The following ZMYND8 variants were observed in gnomAD, a reference collection of about 807,000 sequenced individuals.
The protein encoded by ZMYND8 is MYND-type zinc finger-containing chromatin reader ZMYND8.
A neutral mutation model predicts 140.8 loss-of-function variants in ZMYND8; 37 were observed. The ratio of observed to expected loss-of-function variants is 0.26; its 90% CI spans 0.20 to 0.35. The LOEUF (loss-of-function observed/expected upper bound fraction) is 0.35. ZMYND8 is among the 10% of genes least tolerant of loss of function. The pLI, the probability that ZMYND8 is intolerant of heterozygous loss-of-function variation, is 1.00. For missense variants in ZMYND8, 1,068 were observed against 1,570.0 expected, an observed-to-expected ratio of 0.68 and a Z score of 5.40; for synonymous variants, 592 against 597.1, an observed-to-expected ratio of 0.99 and a Z score of 0.12.
chr20:47,279,438 A>AAATG (rs1442573012), intron 10 of ZMYND8, among the ~76,000 whole-genome samples: 1 of 151,738 alleles, frequency 6.6e-6, no homozygotes, highest in African/African-American at 2.4e-5. Context: ...ACCCCGCCTC[A>AAATG]AATAAATAAA....
chr20:47,289,346 T>C (rs2077114304), intron 7 of ZMYND8, among the ~76,000 whole-genome samples: 1 of 152,152 alleles, frequency 6.6e-6, no homozygotes, highest in South Asian at 2.1e-4. Context: ...AACTCTAATA[T>C]ACCCTGCTGG....
intron 8 of ZMYND8, 52 bp from the exon 9 acceptor site, chr20:47,283,700 T>C (rs2076747904): frequency 6.5e-7 from 1 of 1,549,532 alleles, no homozygotes; most frequent in Non-Finnish European, 8.9e-7. Context: ...GGATATCTTG[T>C]GGACCTCAAT....
intron 2 of ZMYND8, among the ~76,000 whole-genome samples, chr20:47,322,035 A>G (rs2080001791): frequency 6.6e-6 from 1 of 151,474 alleles, no homozygotes; most frequent in African/African-American, 2.4e-5. Flanking sequence ...TAATTTTTGT[A>G]TTTTTTGTAG....
At chr20:47,234,981 T>TA (rs1420179631) in intron 16 of ZMYND8, among the ~76,000 whole-genome samples, 1 of 151,968 alleles carries the variant, frequency 6.6e-6, no homozygotes, top group Non-Finnish European at 1.5e-5. Context: ...TTGCATTTTT[T>TA]AAAAAGAAAG....
At chr20:47,354,221 A>C (rs2083031633) in intron 1 of ZMYND8, 2 of 152,172 alleles carry the variant, frequency 1.3e-5, no homozygotes, top group Non-Finnish European at 2.9e-5. Flanking sequence ...GTACATTTGA[A>C]AACAGATCTT....
intron 11 of ZMYND8, among the ~76,000 whole-genome samples, chr20:47,263,493 A>G (rs528243786): frequency 6.6e-6 from 1 of 152,338 alleles, no homozygotes; most frequent in East Asian, 1.9e-4. Context: ...CAGTGTGTTG[A>G]AACTCACATA....
At chr20:47,225,882 G>A (rs1324442430) in intron 18 of ZMYND8, among the ~76,000 whole-genome samples, 1 of 152,030 alleles carries the variant, frequency 6.6e-6, no homozygotes, top group Non-Finnish European at 1.5e-5. Flanking sequence ...CAGGGGCAGT[G>A]GATCACATCT....
At chr20:47,285,198 G>A (rs1370703444) in intron 8 of ZMYND8, among the ~76,000 whole-genome samples, 1 of 152,214 alleles carries the variant, frequency 6.6e-6, no homozygotes, top group African/African-American at 2.4e-5. Flanking sequence ...CAAAGCCCAT[G>A]CAGGTCACCA....
At position 47,276,610 on chromosome 20, in the gene ZMYND8, T is replaced by C. The variant is rs766098624; in HGVS notation, c.1184A>G (p.Tyr395Cys). The C allele has an allele frequency of 3.1e-6, 5 of 1,613,808 alleles. No homozygotes were observed. The South Asian group carries it at 3.3e-5, about 11-fold the overall frequency. ...FRTPYTPNSQ[Y>C]QMLLDPTNPS... is the part of the protein sequence containing the mutation. The stretch of plus-strand genomic sequence containing the variant: ...GTTGGTGGGATCGAGCAGCATTTGA[T>C]ACTGGCTGTTGGGTGTGTAGGGTGT... The change falls in exon 11 of 23, where the codon TAT (tyrosine) becomes TGT (cysteine). Residue 395 changes from tyrosine to cysteine, a missense_variant. Around this residue, in one of 10 missense-constraint regions of ZMYND8, gnomAD observed 49 missense variants for 94.1 expected, o/e 0.52. Coordinates refer to ENST00000471951, the MANE Select transcript of ZMYND8 (RefSeq NM_001281775.3).
In ZMYND8 at chr20:47,252,258, C is replaced by T. The variant is rs1481203730; in HGVS notation, c.1622-2819G>A. 8.3e-5 allele frequency among the ~76,000 whole-genome samples: 12 copies of T among 144,306 alleles called. 1 individual carries two copies. The highest frequency in any genetic ancestry group is 3.1e-4 in the African/African-American group (12 of 38,348). 94.7% of individuals were successfully genotyped at this position (144,306 alleles called of 152,430 possible). On this transcript the variant is annotated intron_variant, in intron 12 of 22. Transcript: ENST00000471951. The stretch of plus-strand genomic sequence containing the variant: ...CAGTGAGCGAGATCGCACCACTACA[C>T]TCCAGCCTGGGCGACAGAGCAAGAC...
chr20:47,339,495 GAGACGGAGTCTC>G (rs2081656528), intron 2 of ZMYND8, among the ~76,000 whole-genome samples: 1 of 151,878 alleles, frequency 6.6e-6, no homozygotes, highest in Non-Finnish European at 1.5e-5. Flanking sequence ...ATTCTTTTTT[GAGACGGAGTCTC>G]ACTCTGTCGC....
In ZMYND8 at chr20:47,282,187, G is replaced by C; in HGVS notation, c.913C>G (p.Leu305Val). Residue 305 changes from leucine (L) to valine (V), a missense_variant, in exon 10 of 23, where the codon CTG (leucine) becomes GTG (valine). By Grantham distance (32) the Leu-to-Val change is conservative. Transcript: ENST00000471951. ...GCAGGCCAGAATGGAAACCCCTTCA[G>C]TTTGGCCCAGACCAAAGGATGTGGA... ...SNPHPLVWAK[L>V]KGFPFWPAKA... 1 of 1,614,106 alleles carries C rather than the reference G, an allele frequency of 6.2e-7. No individual in the cohort carries two copies. The highest frequency in any genetic ancestry group is 8.5e-7 in the Non-Finnish European group (1 of 1,180,000).
At chr20:47,340,350 G>A (rs181687888) in intron 2 of ZMYND8, among the ~76,000 whole-genome samples, 137 of 152,244 alleles carry the variant, frequency 9.0e-4, no homozygotes, top group African/African-American at 3.0e-3. Context: ...ACCATGGTGC[G>A]CACTTACAGT....
At chr20:47,320,079 T>C (rs990619530) in intron 2 of ZMYND8, 2 of 152,166 alleles carry the variant, frequency 1.3e-5, no homozygotes, top group African/African-American at 4.8e-5. Context: ...CCGGTGGTAG[T>C]GGCTTCCAAA....
intron 2 of ZMYND8, among the ~76,000 whole-genome samples, chr20:47,340,846 G>A (rs1400659761): frequency 1.3e-5 from 2 of 151,342 alleles, no homozygotes; most frequent in African/African-American, 4.9e-5. Flanking sequence ...TTCTAGCAGA[G>A]TAACAAATAA....
In ZMYND8 at chr20:47,299,016, A is replaced by T. The variant is rs1036812505; in HGVS notation, c.235-69T>A. The T allele has an allele frequency of 7.0e-6, 10 of 1,438,538 alleles. No homozygotes were observed. The African/African-American group carries it at 1.4e-4, about 20-fold the overall frequency. The allele number at this position is 1,438,538 out of a possible 1,614,324, so 89.1% of individuals were successfully genotyped here. A position where few individuals can be genotyped will look rare whatever the true frequency, so the allele number is the denominator to read the frequency against. ...TGCATTCTCAAAAGGAATTTGAACA[A>T]GTACATCAATAACAACAAAAGAAAA... On this transcript the variant is annotated intron_variant, in intron 3 of 22. Transcript: ENST00000471951.
chr20:47,268,072 A>C (rs6066257), intron 11 of ZMYND8, among the ~76,000 whole-genome samples: 87,888 of 151,986 alleles, frequency 0.58, 25,551 homozygotes, highest in Middle Eastern at 0.62. Flanking sequence ...TATCAGGTGC[A>C]TAATACATTC....
chr20:47,318,953 G>A, intron 2 of ZMYND8: 1 of 1,351,234 alleles, frequency 7.4e-7, no homozygotes, highest in Non-Finnish European at 9.8e-7. Flanking sequence ...GCACTTACCT[G>A]CCATTGAGAA....
intron 14 of ZMYND8, among the ~76,000 whole-genome samples, chr20:47,245,414 T>C (rs2040449718): frequency 6.6e-6 from 1 of 152,090 alleles, no homozygotes; most frequent in African/African-American, 2.4e-5. Flanking sequence ...GCCCCGCTAA[T>C]TTTTGTATTT....
Sources: gnomAD v4.1 joint callset for allele counts (sites outside exome capture counted in the v4.1 genomes callset) on GRCh38, gnomAD v4.1.1 for gene constraint, gnomAD v4.1.1 regional missense constraint, MANE v1.5 for transcripts, NCBI Gene and HGNC (gene_info 2026-07-23, HGNC 2026-07-21) for gene names.